Variants in TUT4 observed in about 807,000 individuals in gnomAD.
The protein encoded by TUT4 is terminal uridylyltransferase 4.
Under a neutral mutation model 192.2 loss-of-function variants are expected in TUT4, and 36 were observed. The observed-to-expected ratio is 0.19, with a 90% CI of 0.14 to 0.25. The LOEUF (loss-of-function observed/expected upper bound fraction) is 0.25. TUT4 is among the 10% of genes least tolerant of loss of function. The pLI, the probability that TUT4 is intolerant of heterozygous loss-of-function variation, is 1.00. For synonymous variants in TUT4, 618 were observed against 666.0 expected, an observed-to-expected ratio of 0.93 and a Z score of 1.11; for missense variants, 1,493 against 1,957.2, an observed-to-expected ratio of 0.76 and a Z score of 4.47.
At chr1:52,528,717 T>A (rs1414056145) in intron 1 of TUT4, among the ~76,000 whole-genome samples, 1 of 152,094 alleles carries the variant, frequency 6.6e-6, no homozygotes, top group Admixed American at 6.6e-5. Flanking sequence ...AACATCTCTA[T>A]CATATAACTT....
chr1:52,461,345 TTAA>T, intron 18 of TUT4, 122 bp from the exon 19 acceptor site: 1 of 1,125,794 alleles, frequency 8.9e-7, no homozygotes, highest in Non-Finnish European at 1.2e-6. Flanking sequence ...AAAACACCTA[TTAA>T]TGAGTCAAAC....
chr1:52,529,453 A>C (rs547785703), intron 1 of TUT4, among the ~76,000 whole-genome samples: 2 of 152,344 alleles, frequency 1.3e-5, no homozygotes, highest in East Asian at 3.9e-4. Flanking sequence ...CCTCACTTTA[A>C]CAACTAAAAT....
intron 20 of TUT4, among the ~76,000 whole-genome samples, chr1:52,451,629 G>C (rs1339337688): frequency 1.3e-5 from 2 of 152,220 alleles, no homozygotes; most frequent in East Asian, 3.9e-4. Flanking sequence ...ATCACCTGAG[G>C]TCAGGAGTTC....
chr1:52,552,750 C>G (rs989010614), intron 1 of TUT4, among the ~76,000 whole-genome samples, 181 bp downstream of exon 1: 1 of 152,214 alleles, frequency 6.6e-6, no homozygotes, highest in Non-Finnish European at 1.5e-5. Context: ...CTGGGACACC[C>G]GAAGCCCGTT....
chr1:52,544,690 A>C (rs1031352393), intron 1 of TUT4, among the ~76,000 whole-genome samples: 8 of 152,210 alleles, frequency 5.3e-5, no homozygotes, highest in African/African-American at 1.9e-4. Context: ...GGGCAACAAA[A>C]GAAAAAATGG....
intron 20 of TUT4, among the ~76,000 whole-genome samples, chr1:52,455,933 A>G (rs1256502428): frequency 6.6e-6 from 1 of 152,038 alleles, no homozygotes; most frequent in African/African-American, 2.4e-5. Context: ...CAGCAATGTG[A>G]CTCCTTCGTA....
intron 24 of TUT4, among the ~76,000 whole-genome samples, chr1:52,443,022 G>A (rs1656149514): frequency 6.6e-6 from 1 of 152,208 alleles, no homozygotes; most frequent in African/African-American, 2.4e-5. Context: ...AGCGGCTCAC[G>A]CCTGTAATCC....
intron 6 of TUT4, 77 bp downstream of exon 6, chr1:52,495,350 C>T: frequency 1.1e-6 from 1 of 890,042 alleles, no homozygotes; most frequent in Non-Finnish European, 1.7e-6. Context: ...TTTCCCTATC[C>T]TTTCTCTACA....
intron 15 of TUT4, among the ~76,000 whole-genome samples, chr1:52,466,262 G>A (rs939392070): frequency 3.3e-5 from 5 of 152,002 alleles, no homozygotes; most frequent in Non-Finnish European, 5.9e-5. Context: ...TAATCCCAGC[G>A]CTTCAGGAAG....
intron 4 of TUT4, among the ~76,000 whole-genome samples, chr1:52,509,149 C>T (rs879315450): frequency 3.3e-5 from 5 of 152,154 alleles, no homozygotes; most frequent in Non-Finnish European, 5.9e-5. Flanking sequence ...GAGAAACCTC[C>T]CCTGTTCTAG....
At position 52,482,352 on chromosome 1, in the gene TUT4, T is replaced by C. The variant is rs1413689221; in HGVS notation, c.1516-429A>G. On this transcript the variant is annotated intron_variant, in intron 9 of 29. Transcript: ENST00000257177. ...GTTTTTCAACATTATTTTACCAAAATAGTATATTATAGACATCTCTCTGTA... is the reference window on the plus strand; with the variant it reads ...GTTTTTCAACATTATTTTACCAAAACAGTATATTATAGACATCTCTCTGTA... 2.0e-5 allele frequency among the ~76,000 whole-genome samples: 3 copies of C among 152,166 alleles called. No individual in the cohort carries two copies. In the East Asian group the frequency reaches 5.8e-4, roughly 29 times the overall value.
At chr1:52,456,936 G>A (rs1230537332) in intron 20 of TUT4, among the ~76,000 whole-genome samples, 1 of 152,084 alleles carries the variant, frequency 6.6e-6, no homozygotes, top group African/African-American at 2.4e-5. Context: ...GTTAATAATG[G>A]GGGAGGCTAT....
chr1:52,436,905 G>T lies in TUT4; in HGVS notation c.4012C>A (p.Arg1338=), dbSNP rs1653967885. The T allele has an allele frequency of 6.5e-7, 1 of 1,536,898 alleles. No homozygotes were observed. Among genetic ancestry groups the T allele is most frequent in the East Asian group, 2.4e-5 (1 of 42,208 alleles). Residue 1338 remains arginine, a synonymous_variant, in exon 26 of 30, where the codon CGA becomes AGA. Transcript: ENST00000257177. The part of the protein sequence containing the change: ...KEGNEEEKDS[R]DVLDPRDLHD... ...AGGTCTCGGGGGTCAAGAACATCTC[G>T]GGAATCTTTCTCTTCTTCATTCCCT...
chr1:52,489,243 T>C (rs941472200), intron 8 of TUT4, among the ~76,000 whole-genome samples: 4 of 152,236 alleles, frequency 2.6e-5, no homozygotes, highest in Non-Finnish European at 5.9e-5. Flanking sequence ...TAAAGAAAGA[T>C]GTTTTTAACA....
At position 52,526,224 on chromosome 1, in the gene TUT4, A is replaced by T. The variant is rs1681715058; in HGVS notation, c.57T>A (p.Ile19=). ...SENHEPKKNV[I]CEESKAVQVI... is the part of the protein sequence containing the mutation. Reference sequence around the variant, plus strand: ...CTTGAACTGCTTTGCTTTCTTCACAAATAACATTCTTCTTTGGTTCATGAT... The same window carrying T: ...CTTGAACTGCTTTGCTTTCTTCACATATAACATTCTTCTTTGGTTCATGAT... The change falls in exon 2 of 30, where the codon ATT becomes ATA. Residue 19 remains isoleucine, a synonymous_variant. Coordinates refer to ENST00000257177, the MANE Select transcript of TUT4 (RefSeq NM_001009881.3). 1 of 1,596,078 alleles carries T rather than the reference A, an allele frequency of 6.3e-7. No individual in the cohort carries two copies. Among genetic ancestry groups the T allele is most frequent in the Non-Finnish European group, 8.5e-7 (1 of 1,176,094 alleles).
At chr1:52,546,142 A>G (rs1688040876) in intron 1 of TUT4, among the ~76,000 whole-genome samples, 2 of 152,092 alleles carry the variant, frequency 1.3e-5, no homozygotes, top group Non-Finnish European at 2.9e-5. Flanking sequence ...TTGTCTCATA[A>G]ATAAATAAAT....
At chr1:52,431,686 T>C (rs991382634) in intron 27 of TUT4, 2 of 332,614 alleles carry the variant, frequency 6.0e-6, no homozygotes, top group African/African-American at 4.3e-5. Flanking sequence ...ATGGTTCCCA[T>C]CGTGCAGAAC....
At chr1:52,483,772 T>C (rs768630701) in intron 9 of TUT4, among the ~76,000 whole-genome samples, 1 of 152,194 alleles carries the variant, frequency 6.6e-6, no homozygotes, top group African/African-American at 2.4e-5. Context: ...ATTGCGCCAC[T>C]ACACTCCAGC....
chr1:52,466,165 AAAG>A (rs1664068850), intron 15 of TUT4, among the ~76,000 whole-genome samples: 1 of 152,164 alleles, frequency 6.6e-6, no homozygotes. Context: ...GAGAGGCAAA[AAAG>A]AAGCTATACT....
Sources: gnomAD v4.1 joint callset for allele counts (sites outside exome capture counted in the v4.1 genomes callset) on GRCh38, gnomAD v4.1.1 for gene constraint, MANE v1.5 for transcripts, NCBI Gene and HGNC (gene_info 2026-07-23, HGNC 2026-07-21) for gene names.